ATF6B: variants seen among roughly 807,000 people sequenced by gnomAD.
ATF6B encodes activating transcription factor 6 beta, also known as cyclic AMP-dependent transcription factor ATF-6 beta.
In ATF6B, 50 loss-of-function variants were observed where a neutral mutation model predicts 83.5. That is an observed-to-expected ratio of 0.60 (90% CI 0.48 to 0.76). ATF6B has a LOEUF of 0.76. ATF6B is among the 30% of genes least tolerant of loss of function. ATF6B has a pLI of 0.00. For synonymous variants in ATF6B, 344 were observed against 362.8 expected, an observed-to-expected ratio of 0.95 and a Z score of 0.59; for missense variants, 790 against 893.8, an observed-to-expected ratio of 0.88 and a Z score of 1.48.
At position 32,127,118 on chromosome 6, in the gene ATF6B, T is replaced by G. The variant is rs748639718; in HGVS notation, c.327A>C (p.Thr109=). Residue 109 remains threonine, a synonymous_variant, in exon 4 of 18, where the codon ACA becomes ACC. Transcript: ENST00000375203. ...SLSSESSRLS[T]EPSSEALGVG... Reference sequence around the variant, plus strand: ...GCTCTCTCACCTCGCTGGATGGCTCTGTGGAGAGACGCGATGACTCGGAGC... The same window carrying G: ...GCTCTCTCACCTCGCTGGATGGCTCGGTGGAGAGACGCGATGACTCGGAGC... The G allele has an allele frequency of 5.6e-6, 9 of 1,606,580 alleles. No individual in the cohort carries two copies. The highest frequency in any genetic ancestry group is 4.5e-5 in the East Asian group (2 of 44,748).
intron 5 of ATF6B, 44 bp downstream of exon 5, chr6:32,126,073 C>T: frequency 6.2e-7 from 1 of 1,611,846 alleles, no homozygotes; most frequent in Non-Finnish European, 8.5e-7. Flanking sequence ...ATAACACATT[C>T]TCCCGTAGTA....
In ATF6B at chr6:32,128,218, C is replaced by CCCCCCCCCCCCACCCCGAG; in HGVS notation, c.-12_-11insCTCGGGGTGGGGGGGGGGG. ...CATCAGCTCCGCCATCTTTCCCCCC[C>CCCCCCCCCCCCACCCCGAG]ACCCCCCAACCAGGAGACGGTTCCC... On this transcript the variant is annotated 5_prime_UTR_variant, in exon 1 of 18. Transcript: ENST00000375203. The CCCCCCCCCCCCACCCCGAG allele has an allele frequency of 6.3e-7, 1 of 1,595,704 alleles. No individual in the cohort carries two copies. Among genetic ancestry groups the CCCCCCCCCCCCACCCCGAG allele is most frequent in the Admixed American group, 1.7e-5 (1 of 59,564 alleles).
Position 32,126,195 on chromosome 6 carries a change from A to C in ATF6B, c.400T>G (p.Cys134Gly), listed in dbSNP as rs769143440. Reference protein sequence around the residue: ...VKTESLAPPLCLLGDDPTSSF... With the variant: ...VKTESLAPPLGLLGDDPTSSF... ...GATGTTGGGTCATCTCCCAGGAGAC[A>C]CAGTGGGGGTGCCAAGGACTCTGTC... The change falls in exon 5 of 18, where the codon TGT (cysteine) becomes GGT (glycine). Residue 134 changes from cysteine (C) to glycine (G), a missense_variant. Cys to Gly is a radical substitution (Grantham distance 159, BLOSUM62 -3). Transcript: ENST00000375203. The C allele has an allele frequency of 5.6e-6, 9 of 1,614,112 alleles. No individual in the cohort carries two copies. Among genetic ancestry groups the C allele is most frequent in the Non-Finnish European group, 7.6e-6 (9 of 1,180,038 alleles).
At position 32,116,077 on chromosome 6, in the gene ATF6B, G is replaced by T; in HGVS notation, c.1883-109C>A. On this transcript the variant is annotated intron_variant, in intron 17 of 17. Transcript: ENST00000375203. The surrounding 1 kb of genome is among the most constrained non-coding windows in gnomAD (Gnocchi z 5.1). ...GAGGTGAGCAGAGAGAAAAAGAAAG[G>T]GCAATAGTGAGGAGGCAGATCCATA... is the stretch of plus-strand genomic sequence containing the variant. 1.2e-6 allele frequency: 1 copy of T among 801,578 alleles called. No homozygotes were observed. Among genetic ancestry groups the T allele is most frequent in the South Asian group, 1.7e-5 (1 of 57,430 alleles). 49.7% of individuals were successfully genotyped at this position (801,578 alleles called of 1,614,324 possible).
chr6:32,119,137 T>C lies in ATF6B; in HGVS notation c.971A>G (p.Lys324Arg), dbSNP rs1483158819. Residue 324 changes from lysine (K) to arginine (R), a missense_variant, in exon 10 of 18, where the codon AAG becomes AGG. Physicochemically the swap from Lys to Arg is conservative, Grantham distance 26. Around this residue, in one of 3 missense-constraint regions of ATF6B, gnomAD observed 530 missense variants for 632.6 expected, o/e 0.84. Transcript: ENST00000375203. The surrounding 1 kb of genome is among the most constrained non-coding windows in gnomAD (Gnocchi z 4.9). ...GNSCPPEVDAKLLKRQQRMIK... is the reference protein window; with the variant it reads ...GNSCPPEVDARLLKRQQRMIK... ...CATTCGCTGCTGCCGCTTCAGCAGC[T>C]TTGCCTAGGCACCCGGAAGGTCAAA... 6.2e-7 allele frequency: 1 copy of C among 1,609,660 alleles called. No individual in the cohort carries two copies. The highest frequency in any genetic ancestry group is 1.1e-5 in the South Asian group (1 of 90,366).
chr6:32,121,236 G>A (rs1781753675), intron 6 of ATF6B, 27 bp downstream of exon 6: 1 of 1,612,670 alleles, frequency 6.2e-7, no homozygotes, highest in African/African-American at 1.3e-5. Flanking sequence ...TGGAAAACCT[G>A]GAGGAAGGAA....
Position 32,125,586 on chromosome 6 carries a change from C to T in ATF6B, c.478+531G>A, listed in dbSNP as rs143209442. On this transcript the variant is annotated intron_variant, in intron 5 of 17. Transcript: ENST00000375203. The surrounding 1 kb of genome is among the most constrained non-coding windows in gnomAD (Gnocchi z 4.1). Reference sequence around the variant, plus strand: ...ACCAGCCTGGCCAACATGGTGAAACCCCATCTCTACTAAAAATACAAAAAA... The same window carrying T: ...ACCAGCCTGGCCAACATGGTGAAACTCCATCTCTACTAAAAATACAAAAAA... 0.027 allele frequency among the ~76,000 whole-genome samples: 4,146 copies of T among 152,074 alleles called. 72 individuals are homozygous for T. The highest frequency in any genetic ancestry group is 0.04 in the Non-Finnish European group (2,737 of 68,000).
At chr6:32,126,999 C>A in intron 4 of ATF6B, 104 bp downstream of exon 4, 5 of 1,087,942 alleles carry the variant, frequency 4.6e-6, no homozygotes, top group Non-Finnish European at 6.3e-6. Context: ...CACCTCATGA[C>A]TCATAGCACA....
intron 5 of ATF6B, among the ~76,000 whole-genome samples, chr6:32,123,893 A>C (rs1253240041): frequency 6.6e-6 from 1 of 152,002 alleles, no homozygotes; most frequent in Non-Finnish European, 1.5e-5. Flanking sequence ...GAGATCCAGA[A>C]GGTACTTTGA....
At position 32,117,027 on chromosome 6, in the gene ATF6B, C is replaced by G; in HGVS notation, c.1685+10G>C. The G allele has an allele frequency of 6.2e-7, 1 of 1,613,550 alleles. No homozygotes were observed. Among genetic ancestry groups the G allele is most frequent in the Non-Finnish European group, 8.5e-7 (1 of 1,179,580 alleles). ...TCACTTAATAAGTAAGCACCCCACC[C>G]CACACTCACCTTTCTGGGGGTCCAG... On this transcript the variant is annotated intron_variant, in intron 15 of 17. Transcript: ENST00000375203. This position sits in a 1 kb window ranked among gnomAD's most constrained non-coding sequence, Gnocchi z 5.0.
At position 32,119,287 on chromosome 6, in the gene ATF6B, CCTCTCTA is replaced by C; in HGVS notation, c.967-153_967-147del. The C allele has an allele frequency of 1.1e-6, 1 of 937,882 alleles. No homozygotes were observed. Among genetic ancestry groups the C allele is most frequent in the South Asian group, 1.8e-5 (1 of 55,906 alleles). The allele number at this position is 937,882 out of a possible 1,614,324, so 58.1% of individuals were successfully genotyped here. A position where few individuals can be genotyped will look rare whatever the true frequency, so the allele number is the denominator to read the frequency against. On this transcript the variant is annotated intron_variant, in intron 9 of 17. Coordinates refer to ENST00000375203, the MANE Select transcript of ATF6B (RefSeq NM_004381.5). This position sits in a 1 kb window ranked among gnomAD's most constrained non-coding sequence, Gnocchi z 4.9. ...CACCTACATAGCCAGAGAGGTTTTT[CCTCTCTA>C]CTCAAACACGCTAGGGAAGGGGCCC... is the stretch of plus-strand genomic sequence containing the variant.
intron 5 of ATF6B, among the ~76,000 whole-genome samples, chr6:32,124,789 G>A (rs1390978889): frequency 6.6e-6 from 1 of 151,826 alleles, no homozygotes; most frequent in African/African-American, 2.4e-5. Flanking sequence ...GCACATCCCA[G>A]ATTCAGCGCC....
At position 32,128,121 on chromosome 6, in the gene ATF6B, C is replaced by A; in HGVS notation, c.87G>T (p.Leu29=). The change falls in exon 1 of 18, where the codon CTG becomes CTT. Residue 29 remains leucine (L), a synonymous_variant. Transcript: ENST00000375203. Reference sequence around the variant, plus strand: ...CTCCCCTCCCCGGTGCCTCACTCTGCAGACCCCAGTCCTCCGGGCTAAGCA... The same window carrying A: ...CTCCCCTCCCCGGTGCCTCACTCTGAAGACCCCAGTCCTCCGGGCTAAGCA... ...DNLLSPEDWG[L]QNSTLYSGLD... 1 of 1,613,220 alleles carries A rather than the reference C, an allele frequency of 6.2e-7. No individual in the cohort carries two copies. The highest frequency in any genetic ancestry group is 8.5e-7 in the Non-Finnish European group (1 of 1,179,984).
intron 8 of ATF6B, 159 bp downstream of exon 8, chr6:32,120,612 C>G: frequency 1.2e-6 from 1 of 858,544 alleles, no homozygotes; most frequent in Admixed American, 3.6e-5. Flanking sequence ...CACCACTCCA[C>G]GCTAATTTTT....
intron 3 of ATF6B, 64 bp downstream of exon 3, chr6:32,127,378 T>C: frequency 6.5e-7 from 1 of 1,540,386 alleles, no homozygotes; most frequent in Non-Finnish European, 8.9e-7. Context: ...CTACGTAGTT[T>C]CTGGGAAACA....
In ATF6B at chr6:32,119,278, G is replaced by T; in HGVS notation, c.967-137C>A. 1 of 1,069,350 alleles carries T rather than the reference G, an allele frequency of 9.4e-7. No individual in the cohort carries two copies. The highest frequency in any genetic ancestry group is 1.3e-6 in the Non-Finnish European group (1 of 766,310). 66.2% of individuals were successfully genotyped at this position (1,069,350 alleles called of 1,614,324 possible). ...TTCCTGACCCACCTACATAGCCAGAGAGGTTTTTCCTCTCTACTCAAACAC... is the reference window on the plus strand; with the variant it reads ...TTCCTGACCCACCTACATAGCCAGATAGGTTTTTCCTCTCTACTCAAACAC... On this transcript the variant is annotated intron_variant, in intron 9 of 17. Transcript: ENST00000375203. This position sits in a 1 kb window ranked among gnomAD's most constrained non-coding sequence, Gnocchi z 4.9.
intron 5 of ATF6B, among the ~76,000 whole-genome samples, chr6:32,123,249 AAAAAG>A (rs1428583359): frequency 6.6e-6 from 1 of 150,578 alleles, no homozygotes; most frequent in Non-Finnish European, 1.5e-5. Context: ...AAAAAAAAAA[AAAAAG>A]GGAACTATTT....
intron 5 of ATF6B, among the ~76,000 whole-genome samples, chr6:32,124,098 G>A (rs1037514078): frequency 2.6e-5 from 4 of 152,162 alleles, no homozygotes; most frequent in African/African-American, 9.7e-5. Context: ...TACTCAGGAG[G>A]CTGAGGCAGG....
At position 32,128,104 on chromosome 6, in the gene ATF6B, C is replaced by T. The variant is rs1213852278; in HGVS notation, c.91+13G>A. ...CAGTTTGCCACAGCCCTCTCCCCTC[C>T]CCGGTGCCTCACTCTGCAGACCCCA... On this transcript the variant is annotated intron_variant, in intron 1 of 17. Coordinates refer to ENST00000375203, the MANE Select transcript of ATF6B (RefSeq NM_004381.5). The T allele has an allele frequency of 6.2e-7, 1 of 1,612,858 alleles. No individual in the cohort carries two copies. Among genetic ancestry groups the T allele is most frequent in the Non-Finnish European group, 8.5e-7 (1 of 1,179,932 alleles).
Sources: allele counts gnomAD v4.1 joint callset (sites outside exome capture counted in the v4.1 genomes callset), GRCh38; gene constraint gnomAD v4.1.1; regional missense constraint gnomAD v4.1.1; non-coding constraint Gnocchi (gnomAD v3.1); transcripts MANE v1.5; gene names NCBI Gene and HGNC (gene_info 2026-07-23, HGNC 2026-07-21).